TGFBR3: variants seen among roughly 807,000 people sequenced by gnomAD.
TGFBR3 encodes transforming growth factor beta receptor type 3.
A neutral mutation model predicts 87.9 loss-of-function variants in TGFBR3; 46 were observed. The observed-to-expected ratio is 0.52, with a 90% CI of 0.41 to 0.67. The LOEUF is 0.67. Among genes scored for constraint, TGFBR3 ranks in the 30% least tolerant of loss-of-function variants. The pLI, the probability that TGFBR3 is intolerant of heterozygous loss-of-function variation, is 0.00. For missense variants in TGFBR3, 866 were observed against 1,041.9 expected (o/e 0.83, Z 2.32); for synonymous variants, 381 against 391.6 (o/e 0.97, Z 0.32).
intron 2 of TGFBR3, among the ~76,000 whole-genome samples, chr1:91,816,607 T>A (rs1676235660): frequency 6.6e-6 from 1 of 152,194 alleles, no homozygotes; most frequent in South Asian, 2.1e-4. Context: ...TTGAGTCTCT[T>A]TCATCTTTAT....
chr1:91,839,800 G>A (rs1245513463), intron 2 of TGFBR3, among the ~76,000 whole-genome samples: 1 of 152,094 alleles, frequency 6.6e-6, no homozygotes, highest in African/African-American at 2.4e-5. Flanking sequence ...ACCAGAAAAA[G>A]AACATTAGTA....
At chr1:91,827,651 A>G (rs1441791525) in intron 2 of TGFBR3, among the ~76,000 whole-genome samples, 1 of 152,216 alleles carries the variant, frequency 6.6e-6, no homozygotes, top group African/African-American at 2.4e-5. Flanking sequence ...GTTACTGGTT[A>G]TGATAACACA....
chr1:91,818,277 CCTTTTTTTTTTTTTTTTTTTTTTTT>C (rs1676312875), intron 2 of TGFBR3, among the ~76,000 whole-genome samples: 5 of 123,140 alleles, frequency 4.1e-5, no homozygotes, highest in Non-Finnish European at 5.0e-5. Flanking sequence ...TTAGCCCCAG[CCTTTTTTTTTTTTTTTTTTTTTTTT>C]TTTTTTTTTT....
rs1441224003 is a variant in TGFBR3, at chr1:91,734,710, G to A, written c.568+66C>T. The A allele has an allele frequency of 2.5e-6, 4 of 1,581,020 alleles. No homozygotes were observed. The East Asian group carries it at 9.0e-5, about 35-fold the overall frequency. On this transcript the variant is annotated intron_variant, in intron 5 of 16. Coordinates refer to ENST00000212355, the MANE Select transcript of TGFBR3 (RefSeq NM_003243.5). ...CTGTGATTCCTTGCCCTAACCACCT[G>A]GTTTCAGAAAAGAAAACAATTGCCT...
intron 7 of TGFBR3, among the ~76,000 whole-genome samples, chr1:91,723,478 C>A (rs1672440222): frequency 1.3e-5 from 1 of 75,142 alleles, no homozygotes; most frequent in Admixed American, 1.6e-4. Flanking sequence ...GAGACCCTGC[C>A]TTAAAAAAAA....
At chr1:91,775,821 A>G (rs1402637678) in intron 3 of TGFBR3, among the ~76,000 whole-genome samples, 2 of 152,250 alleles carry the variant, frequency 1.3e-5, no homozygotes, top group Non-Finnish European at 2.9e-5. Context: ...ATTTCTGGGC[A>G]TGTGAATGAT....
At chr1:91,847,491 T>C (rs962822584) in intron 2 of TGFBR3, among the ~76,000 whole-genome samples, 1 of 150,326 alleles carries the variant, frequency 6.7e-6, no homozygotes, top group Non-Finnish European at 1.5e-5. Context: ...TAATCCCAGC[T>C]ACTCGGGAGG....
At chr1:91,840,467 GATTTTGTAATATCATGCA>G (rs1677229219) in intron 2 of TGFBR3, among the ~76,000 whole-genome samples, 1 of 141,902 alleles carries the variant, frequency 7.0e-6, no homozygotes, top group African/African-American at 2.6e-5. Context: ...TATCATGCAT[GATTTTGTAATATCATGCA>G]TGATTTTGTA....
chr1:91,716,610 A>G lies in TGFBR3; in HGVS notation c.1665T>C (p.Asp555=), dbSNP rs1672183611. The change falls in exon 11 of 17, where the codon GAT becomes GAC. Residue 555 remains aspartate, a synonymous_variant. Transcript: ENST00000212355. ...GGGTGAACAGGGAAGCATCTCCTTC[A>G]TCCATATCTCCCGGAAATCCATTAT... ...SGDNGFPGDM[D]EGDASLFTRP... The G allele has an allele frequency of 3.1e-6, 5 of 1,614,172 alleles. No individual in the cohort carries two copies. Among genetic ancestry groups the G allele is most frequent in the Non-Finnish European group, 4.2e-6 (5 of 1,180,032 alleles).
At chr1:91,813,746 C>G (rs74769996) in intron 2 of TGFBR3, among the ~76,000 whole-genome samples, 1 of 152,178 alleles carries the variant, frequency 6.6e-6, no homozygotes, top group Non-Finnish European at 1.5e-5. Flanking sequence ...CCCAAAGGCC[C>G]CTCTATGGCA....
At chr1:91,905,222 C>T (rs1679820752) in intron 1 of TGFBR3, among the ~76,000 whole-genome samples, 1 of 152,196 alleles carries the variant, frequency 6.6e-6, no homozygotes, top group Non-Finnish European at 1.5e-5. Flanking sequence ...TGAATCCACA[C>T]TGACACTCTG....
At chr1:91,690,802 A>C (rs562398138) in intron 16 of TGFBR3, among the ~76,000 whole-genome samples, 1 of 152,326 alleles carries the variant, frequency 6.6e-6, no homozygotes, top group South Asian at 2.1e-4. Flanking sequence ...AAGAGGAAAG[A>C]TCCAATGATG....
intron 2 of TGFBR3, among the ~76,000 whole-genome samples, chr1:91,854,204 C>T (rs1442111124): frequency 6.6e-6 from 1 of 152,200 alleles, no homozygotes; most frequent in African/African-American, 2.4e-5. Flanking sequence ...ATAGTAGCCA[C>T]TGCCACCACT....
At chr1:91,736,935 T>C (rs898941320) in intron 4 of TGFBR3, among the ~76,000 whole-genome samples, 12 of 152,332 alleles carry the variant, frequency 7.9e-5, no homozygotes, top group Middle Eastern at 3.4e-3. Flanking sequence ...AAGCGGGATG[T>C]CACACTGGTG....
intron 7 of TGFBR3, among the ~76,000 whole-genome samples, chr1:91,723,253 G>A (rs898758507): frequency 2.0e-5 from 3 of 152,032 alleles, no homozygotes; most frequent in African/African-American, 4.8e-5. Flanking sequence ...AGGCTGAGGC[G>A]GAAGGACTGC....
chr1:91,682,735 C>A lies in TGFBR3; in HGVS notation c.*1004G>T, dbSNP rs1353925152. ...GACATATTTTGAGTGGAAACACTCACCCTACCAAATATACTTAAGTTGCAA... is the reference window on the plus strand; with the variant it reads ...GACATATTTTGAGTGGAAACACTCAACCTACCAAATATACTTAAGTTGCAA... On this transcript the variant is annotated 3_prime_UTR_variant, in exon 17 of 17. Transcript: ENST00000212355. 13 of 453,858 alleles carry A rather than the reference C, an allele frequency of 2.9e-5. No homozygotes were observed. In the East Asian group the frequency reaches 6.3e-4, roughly 22 times the overall value. 28.1% of individuals were successfully genotyped at this position (453,858 alleles called of 1,614,324 possible).
At chr1:91,839,923 G>A (rs1251788489) in intron 2 of TGFBR3, among the ~76,000 whole-genome samples, 1 of 152,096 alleles carries the variant, frequency 6.6e-6, no homozygotes, top group Non-Finnish European at 1.5e-5. Flanking sequence ...TCCTCATAAG[G>A]TAAAGCTGAG....
At chr1:91,811,303 C>A (rs1405608533) in intron 2 of TGFBR3, among the ~76,000 whole-genome samples, 3 of 152,088 alleles carry the variant, frequency 2.0e-5, no homozygotes, top group Non-Finnish European at 2.9e-5. Context: ...CACAGTGAGA[C>A]CTTGTCTTAA....
At chr1:91,722,500 CTTT>C (rs5776114) in intron 7 of TGFBR3, among the ~76,000 whole-genome samples, 3 of 152,066 alleles carry the variant, frequency 2.0e-5, no homozygotes, top group Non-Finnish European at 4.4e-5. Context: ...TAAACTTTCC[CTTT>C]TTTTTACTTA....
Sources: gnomAD v4.1 joint callset for allele counts (sites outside exome capture counted in the v4.1 genomes callset) on GRCh38, gnomAD v4.1.1 for gene constraint, MANE v1.5 for transcripts, NCBI Gene and HGNC (gene_info 2026-07-23, HGNC 2026-07-21) for gene names.